Variants in ADAD1 observed in about 807,000 individuals in gnomAD.
ADAD1 encodes the protein adenosine deaminase domain containing 1.
In ADAD1, 46 loss-of-function variants were observed where a neutral mutation model predicts 66.8. The observed-to-expected ratio is 0.69, with a 90% CI of 0.54 to 0.88. The LOEUF is 0.88. Ranked by LOEUF, ADAD1 falls within the 40% of genes least tolerant of loss-of-function variation. The pLI is 0.00. For missense variants in ADAD1, 617 were observed against 681.8 expected, an observed-to-expected ratio of 0.91 and a Z score of 1.06; for synonymous variants, 248 against 229.4, an observed-to-expected ratio of 1.08 and a Z score of -0.73.
intron 12 of ADAD1, among the ~76,000 whole-genome samples, chr4:122,425,810 G>A (rs1580816467): frequency 6.6e-6 from 1 of 151,956 alleles, no homozygotes; most frequent in Middle Eastern, 3.4e-3. Context: ...TTTCTAGGGG[G>A]TCCTCGAACC....
chr4:122,403,388 G>C (rs1447455127), intron 7 of ADAD1, among the ~76,000 whole-genome samples: 2 of 152,204 alleles, frequency 1.3e-5, no homozygotes, highest in African/African-American at 4.8e-5. Context: ...TGCTCTGGTA[G>C]AGGTGGCAGG....
At position 122,396,278 on chromosome 4, in the gene ADAD1, A is replaced by T. The variant is rs763527708; in HGVS notation, c.625A>T (p.Ile209Phe). ...AGGGAGACATATTCAATATGCAAAG[A>T]TTTCACAGATCGTTAAAGAAAGATT... ...YEGRHIQYAK[I>F]SQIVKERFNQ... is the part of the protein sequence containing the mutation. The change falls in exon 7 of 13, where the codon ATT becomes TTT. Residue 209 changes from isoleucine to phenylalanine, a missense_variant. By Grantham distance (21) the Ile-to-Phe change is conservative. Coordinates refer to ENST00000296513, the MANE Select transcript of ADAD1 (RefSeq NM_139243.4). The T allele has an allele frequency of 1.3e-6, 2 of 1,595,332 alleles. No homozygotes were observed. Among genetic ancestry groups the T allele is most frequent in the African/African-American group, 1.3e-5 (1 of 74,100 alleles).
In ADAD1 at chr4:122,407,888, T is replaced by G; in HGVS notation, c.725-20T>G. The G allele has an allele frequency of 6.2e-7, 1 of 1,610,934 alleles. No individual in the cohort carries two copies. The highest frequency in any genetic ancestry group is 8.5e-7 in the Non-Finnish European group (1 of 1,178,162). On this transcript the variant is annotated intron_variant, in intron 7 of 12. Transcript: ENST00000296513. ...GAGAGAGGTTAAATTAACCTGCTACTGTCTACCTTTTTCTTTCAGCTGGAC... is the reference window on the plus strand; with the variant it reads ...GAGAGAGGTTAAATTAACCTGCTACGGTCTACCTTTTTCTTTCAGCTGGAC...
intron 5 of ADAD1, among the ~76,000 whole-genome samples, chr4:122,392,628 A>G (rs1795502504): frequency 6.6e-6 from 1 of 152,204 alleles, no homozygotes; most frequent in South Asian, 2.1e-4. Flanking sequence ...GATGGAATCC[A>G]TACTCTAAAC....
intron 7 of ADAD1, among the ~76,000 whole-genome samples, chr4:122,404,910 C>T (rs1796138966): frequency 6.6e-6 from 1 of 152,194 alleles, no homozygotes; most frequent in Non-Finnish European, 1.5e-5. Context: ...TCCATTCCTT[C>T]TCACATCTTG....
intron 5 of ADAD1, among the ~76,000 whole-genome samples, chr4:122,393,006 C>T (rs967748693): frequency 7.4e-5 from 11 of 149,370 alleles, no homozygotes; most frequent in Non-Finnish European, 1.0e-4. Context: ...GGTACCTTAG[C>T]TTCTGCAGCC....
chr4:122,427,014 T>C (rs548968515), intron 12 of ADAD1, among the ~76,000 whole-genome samples: 3 of 152,262 alleles, frequency 2.0e-5, no homozygotes, highest in South Asian at 4.2e-4. Flanking sequence ...GAAAAAGAGA[T>C]TAAAAGGTAC....
chr4:122,423,975 TA>T (rs1169670189), intron 12 of ADAD1, among the ~76,000 whole-genome samples: 4 of 152,120 alleles, frequency 2.6e-5, no homozygotes, highest in African/African-American at 9.7e-5. Context: ...TTGTACACTT[TA>T]AAGGGTAAAT....
At chr4:122,429,589 C>T (rs1797423221) in intron 12 of ADAD1, 37 bp from the exon 13 acceptor site, 2 of 1,372,722 alleles carry the variant, frequency 1.5e-6, no homozygotes, top group Middle Eastern at 1.8e-4. Context: ...TCAAATGCTG[C>T]CTATTTTCTA....
rs977086432 is a variant in ADAD1 at position 122,396,505 on chromosome 4, G to A, written c.724+128G>A. The A allele has an allele frequency of 1.7e-5, 12 of 698,512 alleles. No individual in the cohort carries two copies. The African/African-American group carries it at 2.3e-4, about 13-fold the overall frequency. 43.3% of individuals were successfully genotyped at this position (698,512 alleles called of 1,614,324 possible). On this transcript the variant is annotated intron_variant, in intron 7 of 12. Coordinates refer to ENST00000296513, the MANE Select transcript of ADAD1 (RefSeq NM_139243.4). ...AAGTGACTTTTTCTAGTAAGTGTGG[G>A]TCATTAAACACAAAGCTTCTCCAAG... is the stretch of plus-strand genomic sequence containing the variant.
intron 3 of ADAD1, 71 bp downstream of exon 3, chr4:122,380,312 A>T: frequency 6.6e-7 from 1 of 1,516,538 alleles, no homozygotes; most frequent in Admixed American, 2.1e-5. Flanking sequence ...AGTTCTGTCG[A>T]GTCTCTGGTT....
intron 11 of ADAD1, among the ~76,000 whole-genome samples, chr4:122,418,178 A>G (rs1408284455): frequency 6.6e-6 from 1 of 152,174 alleles, no homozygotes; most frequent in East Asian, 1.9e-4. Flanking sequence ...GAAAATTAAG[A>G]GGATCATAAG....
intron 11 of ADAD1, among the ~76,000 whole-genome samples, chr4:122,420,327 C>G (rs1050608317): frequency 2.6e-5 from 4 of 152,172 alleles, no homozygotes; most frequent in African/African-American, 9.7e-5. Context: ...CTTTCCCACA[C>G]ATCTGGGGTC....
At chr4:122,391,230 G>A (rs887258330) in intron 5 of ADAD1, among the ~76,000 whole-genome samples, 3 of 152,120 alleles carry the variant, frequency 2.0e-5, no homozygotes. Context: ...AAAGATGGGT[G>A]CCTGCTCCTC....
chr4:122,392,552 C>A (rs1795499289), intron 5 of ADAD1, among the ~76,000 whole-genome samples: 1 of 152,116 alleles, frequency 6.6e-6, no homozygotes, highest in African/African-American at 2.4e-5. Flanking sequence ...CTGTGGACTA[C>A]TAAAGGGTGG....
chr4:122,393,712 G>C lies in ADAD1; in HGVS notation c.598+55G>C, dbSNP rs1795564516. 3.0e-6 allele frequency: 4 copies of C among 1,333,646 alleles called. No individual in the cohort carries two copies. The Admixed American group carries it at 8.8e-5, about 29-fold the overall frequency. 82.6% of individuals were successfully genotyped at this position (1,333,646 alleles called of 1,614,324 possible). On this transcript the variant is annotated intron_variant, in intron 6 of 12. Transcript: ENST00000296513. The stretch of plus-strand genomic sequence containing the variant: ...TAGAAGAGTAGCCCAATTAAAAATA[G>C]TAACAACATAATTAAAATAAGCATA...
rs148101644 is a variant in ADAD1, at chr4:122,384,180, A to C, written c.529+214A>C. On this transcript the variant is annotated intron_variant, in intron 5 of 12. Coordinates refer to ENST00000296513, the MANE Select transcript of ADAD1 (RefSeq NM_139243.4). ...ACTGAAAGGTATAATCATGTTGCTA[A>C]ACTGTCCGGTAACTTGTCAGGTTGT... 4.3e-4 allele frequency among the ~76,000 whole-genome samples: 65 copies of C among 152,342 alleles called. No individual in the cohort carries two copies. The East Asian group carries it at 0.012, about 28-fold the overall frequency.
At chr4:122,380,332 C>T (rs1580728243) in intron 3 of ADAD1, 91 bp downstream of exon 3, 5 of 1,454,230 alleles carry the variant, frequency 3.4e-6, no homozygotes, top group East Asian at 2.3e-5. Context: ...TTAAAGGTTT[C>T]GTGGTTGTAT....
chr4:122,395,372 C>T (rs553415239), intron 6 of ADAD1, among the ~76,000 whole-genome samples: 92 of 152,064 alleles, frequency 6.1e-4, no homozygotes, highest in Non-Finnish European at 1.2e-3. Flanking sequence ...ATGTTTCTAA[C>T]TGGACCATAT....
Sources: gnomAD v4.1 joint callset for allele counts (sites outside exome capture counted in the v4.1 genomes callset) on GRCh38, gnomAD v4.1.1 for gene constraint, MANE v1.5 for transcripts, NCBI Gene and HGNC (gene_info 2026-07-23, HGNC 2026-07-21) for gene names.